Variants in KCTD1 observed in about 807,000 individuals in gnomAD.
KCTD1 encodes potassium channel tetramerization domain containing 1, also known as BTB/POZ domain-containing protein KCTD1.
In KCTD1, 24 loss-of-function variants were observed where a neutral mutation model predicts 66.0. The ratio of observed to expected loss-of-function variants is 0.36; its 90% CI spans 0.26 to 0.51. KCTD1 has a LOEUF of 0.51. KCTD1 is among the 20% of genes least tolerant of loss of function. The pLI is 0.95. For missense variants in KCTD1, 943 were observed against 1,205.2 expected, an observed-to-expected ratio of 0.78 and a Z score of 3.22; for synonymous variants, 511 against 517.2, an observed-to-expected ratio of 0.99 and a Z score of 0.16.
intron 3 of KCTD1, among the ~76,000 whole-genome samples, chr18:26,472,805 G>T (rs577009376): frequency 6.6e-6 from 1 of 152,238 alleles, no homozygotes; most frequent in African/African-American, 2.4e-5. Context: ...CTGCTTTCTA[G>T]AACAGTCCTG....
Position 26,547,052 on chromosome 18 carries a change from G to A in KCTD1, c.1485C>T (p.Pro495=), listed in dbSNP as rs1985268411. ...GGTGGTGGTGGGAGGGATGGGTGGG[G>A]GGGTGGTGGGAGTGGTGCCGTGCCG... is the stretch of plus-strand genomic sequence containing the variant. ...NGAARHHSHH[P]PTHPSHHHRP... Residue 495 remains proline, a synonymous_variant, in exon 1 of 5, where the codon CCC becomes CCT. Coordinates refer to ENST00000580059, the MANE Select transcript of KCTD1 (RefSeq NM_001142730.3). 6.7e-7 allele frequency: 1 copy of A among 1,492,884 alleles called. No homozygotes were observed. Among genetic ancestry groups the A allele is most frequent in the South Asian group, 1.3e-5 (1 of 77,432 alleles). The allele number at this position is 1,492,884 out of a possible 1,614,324, so 92.5% of individuals were successfully genotyped here.
At chr18:26,456,576 C>A (rs1980098857) in intron 4 of KCTD1, 1 of 152,068 alleles carries the variant, frequency 6.6e-6, no homozygotes. Flanking sequence ...TTCAAGGAGA[C>A]AAGAACCAGC....
chr18:26,622,263 G>A (rs529060691), intron 1 of KCTD1, among the ~76,000 whole-genome samples: 52 of 152,324 alleles, frequency 3.4e-4, no homozygotes, highest in African/African-American at 1.1e-3. Context: ...GAGGTGCAAA[G>A]GCATGGGTTG....
intron 1 of KCTD1, among the ~76,000 whole-genome samples, chr18:26,578,428 G>T (rs564761079): frequency 1.2e-4 from 18 of 152,232 alleles, no homozygotes; most frequent in African/African-American, 3.9e-4. Flanking sequence ...GTTAGTATTT[G>T]CTCCTATTTA....
chr18:26,651,800 AAGAAGAAG>A (rs1361118883), intron 1 of KCTD1, among the ~76,000 whole-genome samples: 1 of 52,114 alleles, frequency 1.9e-5, no homozygotes, highest in Non-Finnish European at 4.2e-5. Flanking sequence ...AAAAAAAAAA[AAGAAGAAG>A]AAGAAGAAGA....
chr18:26,657,126 C>T (rs1988172379), intron 1 of KCTD1, among the ~76,000 whole-genome samples: 1 of 151,740 alleles, frequency 6.6e-6, no homozygotes, highest in African/African-American at 2.4e-5. Flanking sequence ...TCGCCAGCTC[C>T]CACTGGAGGA....
intron 1 of KCTD1, among the ~76,000 whole-genome samples, chr18:26,622,986 C>T (rs990087685): frequency 1.5e-4 from 23 of 152,214 alleles, no homozygotes; most frequent in African/African-American, 5.5e-4. Context: ...TATTCATCAT[C>T]TATATGCAAT....
At chr18:26,636,728 G>A (rs932052755) in intron 1 of KCTD1, among the ~76,000 whole-genome samples, 1 of 152,160 alleles carries the variant, frequency 6.6e-6, no homozygotes, top group Non-Finnish European at 1.5e-5. Flanking sequence ...CTTCCAGGAG[G>A]GCAGCCTGGC....
intron 1 of KCTD1, among the ~76,000 whole-genome samples, chr18:26,586,801 GC>G (rs34713264): frequency 0.74 from 111,743 of 152,018 alleles, 41,348 homozygotes; most frequent in Middle Eastern, 0.88. Context: ...CCAAAGCAGG[GC>G]CCTAACTGTC....
chr18:26,528,219 A>G (rs1423826709), intron 1 of KCTD1, among the ~76,000 whole-genome samples: 2 of 152,150 alleles, frequency 1.3e-5, no homozygotes, highest in Non-Finnish European at 2.9e-5. Flanking sequence ...AGGATGCTGG[A>G]GTTCATCTGG....
chr18:26,592,568 C>T (rs1418333868), intron 1 of KCTD1, among the ~76,000 whole-genome samples: 4 of 152,172 alleles, frequency 2.6e-5, no homozygotes, highest in African/African-American at 9.7e-5. Flanking sequence ...CCATCACAGT[C>T]GATGCTGATG....
At position 26,548,086 on chromosome 18, in the gene KCTD1, C is replaced by A; in HGVS notation, c.451G>T (p.Asp151Tyr). The A allele has an allele frequency of 7.4e-7, 1 of 1,345,518 alleles. No homozygotes were observed. The highest frequency in any genetic ancestry group is 9.4e-7 in the Non-Finnish European group (1 of 1,058,360). 83.3% of individuals were successfully genotyped at this position (1,345,518 alleles called of 1,614,324 possible). A position where few individuals can be genotyped will look rare whatever the true frequency, so the allele number is the denominator to read the frequency against. ...ACGTCGGGGTCCAGCTCGGAGCCGT[C>A]CCCGGGCGGCCCACCGCGGGCCCGG... ...APRARGGPPG[D>Y]GSELDPDVLQ... The change falls in exon 1 of 5, where the codon GAC becomes TAC. Residue 151 changes from aspartate to tyrosine, a missense_variant. Coordinates refer to ENST00000580059, the MANE Select transcript of KCTD1 (RefSeq NM_001142730.3).
chr18:26,611,073 A>T (rs1191099571), intron 1 of KCTD1, among the ~76,000 whole-genome samples: 2 of 151,712 alleles, frequency 1.3e-5, no homozygotes, highest in Non-Finnish European at 2.9e-5. Context: ...TCCTTTGGAA[A>T]CTCTAATTAC....
Position 26,476,728 on chromosome 18 carries a change from T to C in KCTD1, c.1989-69A>G. The stretch of plus-strand genomic sequence containing the variant: ...GTTCGGGCACTAGGACTAAGAGGTG[T>C]CTTTTATCACTGTCAAAGGTAGCAC... On this transcript the variant is annotated intron_variant, in intron 2 of 4. Transcript: ENST00000580059. This position sits in a 1 kb window ranked among gnomAD's most constrained non-coding sequence, Gnocchi z 4.9. 7.1e-7 allele frequency: 1 copy of C among 1,412,030 alleles called. No individual in the cohort carries two copies. Among genetic ancestry groups the C allele is most frequent in the South Asian group, 1.2e-5 (1 of 81,266 alleles). The allele number at this position is 1,412,030 out of a possible 1,614,324, so 87.5% of individuals were successfully genotyped here. A position where few individuals can be genotyped will look rare whatever the true frequency, so the allele number is the denominator to read the frequency against.
At chr18:26,643,688 T>C (rs2339192), upstream of KCTD1, among the ~76,000 whole-genome samples, 4,637 of 151,974 alleles carry the variant, frequency 0.031, 100 homozygotes, top group African/African-American at 0.064. Flanking sequence ...GCTGGCCGGG[T>C]GCGGTGGCTC....
At chr18:26,498,641 T>G (rs970826519) in intron 2 of KCTD1, among the ~76,000 whole-genome samples, 2 of 152,162 alleles carry the variant, frequency 1.3e-5, no homozygotes, top group Admixed American at 1.3e-4. Flanking sequence ...ACTTAGATGA[T>G]ATTTCAATTT....
chr18:26,510,591 T>C (rs1324792681), intron 1 of KCTD1, among the ~76,000 whole-genome samples: 1 of 152,202 alleles, frequency 6.6e-6, no homozygotes, highest in African/African-American at 2.4e-5. Context: ...TAGTGAAATA[T>C]GTATCTGAGA....
chr18:26,649,778 G>A (rs1568020787), intron 1 of KCTD1, among the ~76,000 whole-genome samples: 2 of 152,308 alleles, frequency 1.3e-5, no homozygotes, highest in East Asian at 3.9e-4. Context: ...AAAGTGCTGG[G>A]AAAAGGCAGC....
Position 26,547,048 on chromosome 18 carries a change from T to TG in KCTD1, c.1488dup (p.Thr497HisfsTer120). On this transcript the variant is annotated frameshift_variant, in exon 1 of 5. Transcript: ENST00000580059. LOFTEE classifies it high-confidence loss of function. ...GGGCGGTGGTGGTGGGAGGGATGGG[T>TG]GGGGGGGTGGTGGGAGTGGTGCCGT... 4 of 247,964 alleles carry TG rather than the reference T, an allele frequency of 1.6e-5. No homozygotes were observed. Among genetic ancestry groups the TG allele is most frequent in the African/African-American group, 5.7e-5 (1 of 17,672 alleles). The allele number at this position is 247,964 out of a possible 1,614,324, so 15.4% of individuals were successfully genotyped here.
Sources: allele counts gnomAD v4.1 joint callset (sites outside exome capture counted in the v4.1 genomes callset), GRCh38; gene constraint gnomAD v4.1.1; non-coding constraint Gnocchi (gnomAD v3.1); transcripts MANE v1.5; gene names NCBI Gene and HGNC (gene_info 2026-07-23, HGNC 2026-07-21).